NCALD: variants seen among roughly 807,000 people sequenced by gnomAD.
NCALD encodes the protein neurocalcin-delta.
A neutral mutation model predicts 18.6 loss-of-function variants in NCALD; 10 were observed. That is an observed-to-expected ratio of 0.54 (90% confidence interval 0.33 to 0.91). The LOEUF is 0.91. Ranked by LOEUF, NCALD falls within the 40% of genes least tolerant of loss-of-function variation. The pLI, the probability that NCALD is intolerant of heterozygous loss-of-function variation, is 0.03. For missense variants in NCALD, 184 were observed against 247.6 expected (o/e 0.74, Z 1.72); for synonymous variants, 88 against 87.4 (o/e 1.01, Z -0.04).
chr8:101,765,876 C>CT (rs1354764650), intron 1 of NCALD, among the ~76,000 whole-genome samples: 2 of 152,220 alleles, frequency 1.3e-5, no homozygotes, highest in African/African-American at 4.8e-5. Flanking sequence ...CTACCATATA[C>CT]TTCTGCTCTG....
chr8:101,781,315 T>C (rs1410811148), intron 1 of NCALD, among the ~76,000 whole-genome samples: 1 of 152,152 alleles, frequency 6.6e-6, no homozygotes, highest in Non-Finnish European at 1.5e-5. Context: ...TATACTCAGA[T>C]AGTCTTATGT....
intron 1 of NCALD, among the ~76,000 whole-genome samples, chr8:102,119,548 A>C (rs1263835568): frequency 1.3e-5 from 2 of 152,204 alleles, no homozygotes; most frequent in Non-Finnish European, 2.9e-5. Flanking sequence ...TACGTTTAAG[A>C]ATGGTTAAAA....
intron 2 of NCALD, among the ~76,000 whole-genome samples, chr8:102,010,123 G>A (rs1316799472): frequency 6.6e-6 from 1 of 152,268 alleles, no homozygotes; most frequent in Non-Finnish European, 1.5e-5. Flanking sequence ...ATGACCAACT[G>A]TTCTGAGAAA....
chr8:101,757,837 G>C (rs1471502814), intron 1 of NCALD, among the ~76,000 whole-genome samples: 2 of 152,062 alleles, frequency 1.3e-5, no homozygotes, highest in East Asian at 1.9e-4. Context: ...ATAATTTCTT[G>C]TTTGCACTAC....
chr8:101,764,676 C>T (rs1287838719), intron 1 of NCALD, among the ~76,000 whole-genome samples: 1 of 152,170 alleles, frequency 6.6e-6, no homozygotes, highest in African/African-American at 2.4e-5. Context: ...GGGAGCACTA[C>T]CAGCATGCTA....
intron 1 of NCALD, among the ~76,000 whole-genome samples, chr8:102,056,060 C>T (rs1305563174): frequency 2.0e-5 from 3 of 152,128 alleles, no homozygotes; most frequent in African/African-American, 7.2e-5. Context: ...AGAGGTCAGC[C>T]CGCCAGATTC....
Position 101,964,949 on chromosome 8 carries a change from C to T in NCALD, c.-156-49091G>A, listed in dbSNP as rs556486329. 1.4e-3 allele frequency among the ~76,000 whole-genome samples: 219 copies of T among 151,970 alleles called. 3 individuals are homozygous for T. The highest frequency in any genetic ancestry group is 4.9e-3 in the African/African-American group (202 of 41,460). On this transcript the variant is annotated intron_variant, in intron 2 of 6. Coordinates refer to the NCALD transcript ENST00000311028. The stretch of plus-strand genomic sequence containing the variant: ...TTCTTCTCAAGCATAAGAAAGTGGG[C>T]GAAGGATATGAACAGACACTTCTCA...
chr8:101,937,029 C>T lies in NCALD; in HGVS notation c.-156-21171G>A, dbSNP rs1216053304. The stretch of plus-strand genomic sequence containing the variant: ...GTTTCATAATATTTGCTACATCTTC[C>T]AACTTCTGGCAATCACAGAGATGAC... On this transcript the variant is annotated intron_variant, in intron 2 of 6. Transcript: ENST00000311028. Among the ~76,000 whole-genome samples, 4 of 151,992 alleles carry T rather than the reference C, an allele frequency of 2.6e-5. No homozygotes were observed. In the East Asian group the frequency reaches 5.8e-4, roughly 22 times the overall value.
At chr8:102,078,029 G>T (rs10955279) in intron 1 of NCALD, among the ~76,000 whole-genome samples, 21,743 of 152,040 alleles carry the variant, frequency 0.14, 1,636 homozygotes, top group African/African-American at 0.18. Flanking sequence ...AGACCAGGTA[G>T]GCACCTCAAA....
intron 2 of NCALD, among the ~76,000 whole-genome samples, chr8:101,931,783 A>C (rs919793132): frequency 1.3e-5 from 2 of 152,140 alleles, no homozygotes; most frequent in Admixed American, 6.5e-5. Flanking sequence ...TATACACATT[A>C]TCTCTTTTAT....
chr8:101,987,731 AC>A (rs898195600), intron 2 of NCALD, among the ~76,000 whole-genome samples: 1 of 152,196 alleles, frequency 6.6e-6, no homozygotes, highest in Non-Finnish European at 1.5e-5. Flanking sequence ...CTTTCCACCG[AC>A]CTTGTCAAAA....
intron 4 of NCALD, among the ~76,000 whole-genome samples, chr8:101,824,437 A>T (rs1355436229): frequency 6.6e-6 from 1 of 152,070 alleles, no homozygotes; most frequent in Admixed American, 6.5e-5. Context: ...ACAACTGTAG[A>T]TCTATCCTCA....
At chr8:101,883,913 T>G (rs490032) in intron 4 of NCALD, among the ~76,000 whole-genome samples, 1 of 151,990 alleles carries the variant, frequency 6.6e-6, no homozygotes, top group African/African-American at 2.4e-5. Context: ...CTATCAGCAG[T>G]GTCATTATAC....
chr8:101,948,636 A>G (rs1403675683), intron 2 of NCALD, among the ~76,000 whole-genome samples: 2 of 152,114 alleles, frequency 1.3e-5, no homozygotes, highest in Non-Finnish European at 2.9e-5. Context: ...AGCCTGAGTG[A>G]GAACCCAGAA....
intron 3 of NCALD, among the ~76,000 whole-genome samples, chr8:101,896,534 G>T (rs1005090171): frequency 6.6e-6 from 1 of 151,840 alleles, no homozygotes; most frequent in Non-Finnish European, 1.5e-5. Context: ...TGAAACTAAA[G>T]AGCTTCTGCA....
At chr8:101,709,340 C>T (rs1256794279) in intron 2 of NCALD, among the ~76,000 whole-genome samples, 3 of 152,250 alleles carry the variant, frequency 2.0e-5, no homozygotes, top group South Asian at 2.1e-4. Context: ...CTCACCCTCA[C>T]ATGCCTATTC....
upstream of NCALD, among the ~76,000 whole-genome samples, chr8:101,792,126 C>A (rs536983282): frequency 2.0e-5 from 3 of 152,182 alleles, no homozygotes; most frequent in South Asian, 6.2e-4. Context: ...CCTCAAAACC[C>A]TAAGGACCTT....
chr8:101,967,162 T>C (rs552021857), intron 2 of NCALD, among the ~76,000 whole-genome samples: 50 of 152,290 alleles, frequency 3.3e-4, no homozygotes, highest in African/African-American at 1.2e-3. Flanking sequence ...TATCTGTTGG[T>C]GATAACATCG....
intron 1 of NCALD, among the ~76,000 whole-genome samples, chr8:101,735,990 C>T (rs959950970): frequency 3.3e-5 from 5 of 152,158 alleles, no homozygotes; most frequent in Admixed American, 2.0e-4. Flanking sequence ...GGACATCACC[C>T]GTTCCTCTTC....
Sources: gnomAD v4.1 joint callset for allele counts (sites outside exome capture counted in the v4.1 genomes callset) on GRCh38, gnomAD v4.1.1 for gene constraint, MANE v1.5 for transcripts, NCBI Gene and HGNC (gene_info 2026-07-23, HGNC 2026-07-21) for gene names.